FHIT: variants seen among roughly 807,000 people sequenced by gnomAD.
FHIT encodes fragile histidine triad diadenosine triphosphatase, also known as bis(5'-adenosyl)-triphosphatase.
FHIT carries 19 observed loss-of-function variants against 17.9 expected under a neutral mutation model. The observed-to-expected ratio is 1.06, with a 90% CI of 0.74 to 1.56. The LOEUF is 1.56. Among genes scored for constraint, FHIT ranks in the 40% most tolerant of loss-of-function variants. The pLI, the probability that FHIT is intolerant of heterozygous loss-of-function variation, is 0.00. For missense variants in FHIT, 248 were observed against 189.2 expected (o/e 1.31, Z -1.82); for synonymous variants, 81 against 69.7 (o/e 1.16, Z -0.81).
intron 5 of FHIT, among the ~76,000 whole-genome samples, chr3:60,387,873 A>G (rs1422754493): frequency 6.6e-6 from 1 of 152,110 alleles, no homozygotes; most frequent in East Asian, 1.9e-4. Context: ...TTTGGGTCCC[A>G]GGGGCGGATC....
intron 6 of FHIT, among the ~76,000 whole-genome samples, chr3:60,013,773 T>C (rs1243615313): frequency 6.6e-6 from 1 of 152,156 alleles, no homozygotes. Flanking sequence ...ACTTATCCAT[T>C]ACTCCCACCT....
intron 7 of FHIT, among the ~76,000 whole-genome samples, chr3:59,966,989 T>C (rs1259983934): frequency 2.0e-5 from 3 of 152,184 alleles, no homozygotes; most frequent in African/African-American, 7.2e-5. Flanking sequence ...TACAAAAATA[T>C]TTTCTTTCTT....
At chr3:60,808,689 T>A (rs1300680496) in intron 4 of FHIT, among the ~76,000 whole-genome samples, 1 of 152,138 alleles carries the variant, frequency 6.6e-6, no homozygotes, top group Non-Finnish European at 1.5e-5. Flanking sequence ...AGCAAATTGG[T>A]TGTTTCCAAG....
chr3:61,188,602 T>C (rs1223506365), intron 2 of FHIT, among the ~76,000 whole-genome samples: 1 of 152,178 alleles, frequency 6.6e-6, no homozygotes, highest in East Asian at 1.9e-4. Flanking sequence ...ATCATCCTGA[T>C]ACCAAAGCTG....
At chr3:60,487,859 G>A (rs1442667193) in intron 5 of FHIT, among the ~76,000 whole-genome samples, 1 of 152,128 alleles carries the variant, frequency 6.6e-6, no homozygotes, top group African/African-American at 2.4e-5. Context: ...TTATCTCAAA[G>A]ATATAACCAG....
At chr3:60,359,300 G>A (rs1210592544) in intron 5 of FHIT, among the ~76,000 whole-genome samples, 1 of 23,370 alleles carries the variant, frequency 4.3e-5, no homozygotes, top group Non-Finnish European at 9.6e-5. Context: ...TTTTTTTTTT[G>A]AGATGGAGCC....
chr3:60,419,327 C>A (rs149080045), intron 5 of FHIT, among the ~76,000 whole-genome samples: 1 of 152,326 alleles, frequency 6.6e-6, no homozygotes, highest in African/African-American at 2.4e-5. Context: ...GTACTTTCTT[C>A]ATCTTGCCTC....
At chr3:60,197,070 T>C (rs979977692) in intron 5 of FHIT, among the ~76,000 whole-genome samples, 4 of 152,200 alleles carry the variant, frequency 2.6e-5, no homozygotes, top group African/African-American at 7.2e-5. Context: ...CCCCATAGTG[T>C]GGTACATATT....
intron 4 of FHIT, among the ~76,000 whole-genome samples, chr3:60,672,874 C>CGTGT (rs71629109): frequency 0.079 from 11,054 of 139,478 alleles, 494 homozygotes; most frequent in South Asian, 0.12. Context: ...CTCTTTGTAG[C>CGTGT]GTGTGTGTGT....
chr3:60,594,342 G>C (rs1206958359), intron 4 of FHIT, among the ~76,000 whole-genome samples: 1 of 152,114 alleles, frequency 6.6e-6, no homozygotes, highest in Admixed American at 6.6e-5. Context: ...TCAATGGACA[G>C]TGTCCAGACT....
chr3:60,936,852 G>GA (rs2107393531), intron 3 of FHIT, among the ~76,000 whole-genome samples: 1 of 151,998 alleles, frequency 6.6e-6, no homozygotes, highest in Admixed American at 6.5e-5. Context: ...AGAAAGCAAA[G>GA]AAAAAAAGGA....
At chr3:60,744,270 A>AAAAAC (rs2042307560) in intron 4 of FHIT, among the ~76,000 whole-genome samples, 11 of 22,522 alleles carry the variant, frequency 4.9e-4, no homozygotes, top group African/African-American at 1.6e-3. Context: ...AAACAAAACA[A>AAAAAC]AAAAAAAAAA....
chr3:60,535,638 T>A (rs1262567119), intron 5 of FHIT, among the ~76,000 whole-genome samples: 1 of 152,012 alleles, frequency 6.6e-6, no homozygotes, highest in African/African-American at 2.4e-5. Flanking sequence ...TTATTTAGAC[T>A]CATTTAAAAG....
chr3:60,518,045 A>G (rs539562277), intron 5 of FHIT, among the ~76,000 whole-genome samples: 12 of 152,358 alleles, frequency 7.9e-5, no homozygotes, highest in Non-Finnish European at 1.5e-4. Context: ...AAAAATTAGA[A>G]GAAAGAAAAC....
At chr3:61,131,196 G>T (rs2036753711) in intron 2 of FHIT, among the ~76,000 whole-genome samples, 1 of 150,634 alleles carries the variant, frequency 6.6e-6, no homozygotes, top group Non-Finnish European at 1.5e-5. Flanking sequence ...ATTCCCCTTT[G>T]TTCCTCCAGC....
chr3:59,937,466 G>A (rs755923242), intron 7 of FHIT, among the ~76,000 whole-genome samples: 5 of 152,122 alleles, frequency 3.3e-5, no homozygotes, highest in Non-Finnish European at 5.9e-5. Context: ...TTTAAACATC[G>A]TCAGGAGGGA....
intron 4 of FHIT, among the ~76,000 whole-genome samples, chr3:60,691,553 A>G (rs1211494208): frequency 6.6e-6 from 1 of 151,736 alleles, no homozygotes; most frequent in African/African-American, 2.4e-5. Flanking sequence ...CCTTTTTTGA[A>G]GTGACAGGTT....
chr3:60,279,559 T>G (rs1707329710), intron 5 of FHIT, among the ~76,000 whole-genome samples: 2 of 152,280 alleles, frequency 1.3e-5, no homozygotes, highest in East Asian at 1.9e-4. Context: ...AGTCATTATG[T>G]TATACCAGCA....
intron 8 of FHIT, among the ~76,000 whole-genome samples, chr3:59,840,950 T>C (rs1400705979): frequency 3.9e-5 from 6 of 152,278 alleles, no homozygotes; most frequent in Non-Finnish European, 7.4e-5. Context: ...ATAAATGTCA[T>C]TTGGAAGCTG....
Sources: gnomAD v4.1 joint callset for allele counts (sites outside exome capture counted in the v4.1 genomes callset) on GRCh38, gnomAD v4.1.1 for gene constraint, MANE v1.5 for transcripts, NCBI Gene and HGNC (gene_info 2026-07-23, HGNC 2026-07-21) for gene names.